Variants in KLRD1 observed in about 807,000 individuals in gnomAD.
KLRD1 encodes natural killer cells antigen CD94.
Under a neutral mutation model 22.6 loss-of-function variants are expected in KLRD1, and 21 were observed. That is an observed-to-expected ratio of 0.93 (90% confidence interval 0.66 to 1.34). The LOEUF (loss-of-function observed/expected upper bound fraction) is 1.34. Ranked by LOEUF, KLRD1 falls within the 40% of genes most tolerant of loss-of-function variation. The pLI is 0.00. For synonymous variants in KLRD1, 59 were observed against 71.1 expected (o/e 0.83, Z 0.85); for missense variants, 183 against 208.6 (o/e 0.88, Z 0.76).
At chr12:10,273,817 A>T (rs1004955565) in intron 1 of KLRD1, among the ~76,000 whole-genome samples, 11 of 152,330 alleles carry the variant, frequency 7.2e-5, no homozygotes, top group African/African-American at 2.4e-4. Flanking sequence ...GTACATTCAA[A>T]AGAAGTTATA....
chr12:10,264,484 G>A (rs1311728596), intron 1 of KLRD1, among the ~76,000 whole-genome samples: 2 of 119,766 alleles, frequency 1.7e-5, no homozygotes, highest in South Asian at 3.2e-4. Context: ...ACACAGCTTC[G>A]CTCTAGCAAT....
In KLRD1 at chr12:10,318,680, C is replaced by T. The variant is rs1219720066; in HGVS notation, c.*3887C>T. 1.3e-5 allele frequency: 2 copies of T among 152,018 alleles called. No homozygotes were observed. The highest frequency in any genetic ancestry group is 2.9e-5 in the Non-Finnish European group (2 of 68,082). The allele number at this position is 152,018 out of a possible 1,614,324, so 9.4% of individuals were successfully genotyped here. A position where few individuals can be genotyped will look rare whatever the true frequency, so the allele number is the denominator to read the frequency against. ...CTAACACGGTGAAACCCCGTGTGTA[C>T]TACAAGTACAAAAAAATTAGCCAGG... On this transcript the variant is annotated 3_prime_UTR_variant, in exon 6 of 6. Coordinates refer to ENST00000336164, the MANE Select transcript of KLRD1 (RefSeq NM_002262.5).
At chr12:10,249,085 G>A (rs188505556) in intron 1 of KLRD1, among the ~76,000 whole-genome samples, 158 of 151,960 alleles carry the variant, frequency 1.0e-3, no homozygotes, top group Non-Finnish European at 9.6e-4. Context: ...AACTATATAC[G>A]ACGGATAATG....
chr12:10,260,237 T>C (rs184258162), intron 1 of KLRD1, among the ~76,000 whole-genome samples: 42 of 152,342 alleles, frequency 2.8e-4, no homozygotes, highest in Admixed American at 2.5e-3. Flanking sequence ...TCAATAATCA[T>C]ATAGCCTTCA....
At chr12:10,240,174 C>T (rs1949227490) in intron 1 of KLRD1, among the ~76,000 whole-genome samples, 1 of 151,952 alleles carries the variant, frequency 6.6e-6, no homozygotes, top group South Asian at 2.1e-4. Context: ...TACCTTCTTA[C>T]CTCAGCCCCC....
intron 1 of KLRD1, among the ~76,000 whole-genome samples, chr12:10,267,428 T>A (rs973361306): frequency 4.6e-5 from 7 of 152,142 alleles, no homozygotes; most frequent in Non-Finnish European, 7.3e-5. Flanking sequence ...TAAAAAAATT[T>A]CACTAAATAT....
At chr12:10,301,954 T>C (rs115018548), upstream of KLRD1, among the ~76,000 whole-genome samples, 2,209 of 152,244 alleles carry the variant, frequency 0.015, 58 homozygotes, top group African/African-American at 0.049. Context: ...GAGAACGAGA[T>C]GGGGAACAGC....
chr12:10,311,845 A>G (rs563115562), intron 4 of KLRD1, among the ~76,000 whole-genome samples: 1 of 152,286 alleles, frequency 6.6e-6, no homozygotes, highest in South Asian at 2.1e-4. Context: ...AATAAAGTGA[A>G]AGAAACTTTT....
rs1950372113 is a variant in KLRD1 at position 10,327,566 on chromosome 12, T to A, written c.*12773T>A. 6.6e-6 allele frequency: 1 copy of A among 152,222 alleles called. No individual in the cohort carries two copies. The highest frequency in any genetic ancestry group is 1.5e-5 in the Non-Finnish European group (1 of 68,032). 9.4% of individuals were successfully genotyped at this position (152,222 alleles called of 1,614,324 possible). On this transcript the variant is annotated 3_prime_UTR_variant, in exon 6 of 6. Coordinates refer to ENST00000336164, the MANE Select transcript of KLRD1 (RefSeq NM_002262.5). ...ATGTTGATTTTGTACCCTGCAACTT[T>A]ACTTGGTTTTAGGAGGCTTTTTTGT...
At chr12:10,269,153 CT>C (rs199585565) in intron 1 of KLRD1, among the ~76,000 whole-genome samples, 5 of 150,508 alleles carry the variant, frequency 3.3e-5, no homozygotes, top group Non-Finnish European at 7.4e-5. Context: ...TCTTTCTTTC[CT>C]TTTTTTTTGT....
intron 1 of KLRD1, among the ~76,000 whole-genome samples, chr12:10,244,318 C>T (rs1273627200): frequency 6.6e-6 from 1 of 152,118 alleles, no homozygotes; most frequent in Non-Finnish European, 1.5e-5. Context: ...GGAGAACAGT[C>T]ATCAAATCAG....
At chr12:10,246,640 T>G (rs979909911) in intron 1 of KLRD1, among the ~76,000 whole-genome samples, 4 of 152,206 alleles carry the variant, frequency 2.6e-5, no homozygotes, top group Non-Finnish European at 5.9e-5. Context: ...TATTCTATTT[T>G]ATTCTGTAAT....
chr12:10,314,888 G>A lies in KLRD1; in HGVS notation c.*95G>A. The stretch of plus-strand genomic sequence containing the variant: ...ATATTATTACTAATTGTCTACTTCT[G>A]GAGTCTATAAAATGTTTTTAAACAG... On this transcript the variant is annotated 3_prime_UTR_variant, in exon 6 of 6. Coordinates refer to ENST00000336164, the MANE Select transcript of KLRD1 (RefSeq NM_002262.5). The A allele has an allele frequency of 8.4e-7, 1 of 1,192,154 alleles. No homozygotes were observed. The highest frequency in any genetic ancestry group is 1.2e-6 in the Non-Finnish European group (1 of 854,792). 73.8% of individuals were successfully genotyped at this position (1,192,154 alleles called of 1,614,324 possible). A position where few individuals can be genotyped will look rare whatever the true frequency, so the allele number is the denominator to read the frequency against.
intron 1 of KLRD1, among the ~76,000 whole-genome samples, chr12:10,293,118 G>T (rs1262704812): frequency 2.0e-5 from 1 of 49,046 alleles, no homozygotes; most frequent in African/African-American, 8.5e-5. Flanking sequence ...ACATTGTGTG[G>T]CTGGTTTGAT....
intron 1 of KLRD1, among the ~76,000 whole-genome samples, chr12:10,243,885 A>C (rs752677352): frequency 5.9e-5 from 9 of 152,178 alleles, no homozygotes; most frequent in African/African-American, 7.2e-5. Flanking sequence ...GTTTATTTTT[A>C]ATAAATATAA....
intron 1 of KLRD1, among the ~76,000 whole-genome samples, chr12:10,270,419 A>C (rs1026631298): frequency 2.6e-5 from 4 of 152,216 alleles, no homozygotes; most frequent in Non-Finnish European, 5.9e-5. Context: ...GGCAAATATC[A>C]CAGCAACAAT....
At chr12:10,307,843 C>T (rs3863336), upstream of KLRD1, 497,093 of 510,188 alleles carry the variant, frequency 0.97, 243,408 homozygotes, top group East Asian at 1. Context: ...TGGAACACTT[C>T]AGAGGCTTGT....
chr12:10,304,736 A>C (rs1949898247), upstream of KLRD1, among the ~76,000 whole-genome samples: 1 of 152,134 alleles, frequency 6.6e-6, no homozygotes, highest in Non-Finnish European at 1.5e-5. Context: ...TTTTACCACT[A>C]ACAATTTTAG....
At chr12:10,313,357 T>G (rs1387863699) in intron 4 of KLRD1, 53 bp from the exon 5 acceptor site, 1 of 1,042,204 alleles carries the variant, frequency 9.6e-7, no homozygotes, top group East Asian at 2.5e-5. Flanking sequence ...AAATATGTTA[T>G]TCCCAGAATA....
Sources: gnomAD v4.1 joint callset for allele counts (sites outside exome capture counted in the v4.1 genomes callset) on GRCh38, gnomAD v4.1.1 for gene constraint, MANE v1.5 for transcripts, NCBI Gene and HGNC (gene_info 2026-07-23, HGNC 2026-07-21) for gene names.